GRM3: variants seen among roughly 807,000 people sequenced by gnomAD.
GRM3 encodes the protein glutamate metabotropic receptor 3, also known as metabotropic glutamate receptor 3.
A neutral mutation model predicts 70.5 loss-of-function variants in GRM3; 26 were observed. That is an observed-to-expected ratio of 0.37 (90% CI 0.27 to 0.51). The LOEUF is 0.51. Among genes scored for constraint, GRM3 ranks in the 20% least tolerant of loss-of-function variants. The pLI is 0.93. For missense variants in GRM3, 859 were observed against 1,123.8 expected (o/e 0.76, Z 3.37); for synonymous variants, 443 against 434.9 (o/e 1.02, Z -0.23).
intron 3 of GRM3, among the ~76,000 whole-genome samples, chr7:86,825,665 G>A (rs1454283396): frequency 6.6e-6 from 1 of 152,146 alleles, no homozygotes; most frequent in Admixed American, 6.5e-5. Flanking sequence ...TAGCTGCTGT[G>A]CTTGTCTTCG....
intron 3 of GRM3, among the ~76,000 whole-genome samples, chr7:86,798,889 C>A (rs570226253): frequency 6.6e-6 from 1 of 152,148 alleles, no homozygotes; most frequent in African/African-American, 2.4e-5. Context: ...TTGCCTGACA[C>A]CACGTTTATG....
chr7:86,689,073 T>C (rs1435049628), intron 1 of GRM3, among the ~76,000 whole-genome samples: 1 of 150,854 alleles, frequency 6.6e-6, no homozygotes, highest in Non-Finnish European at 1.5e-5. Flanking sequence ...TGACAGATAT[T>C]GTAAGACTAG....
intron 1 of GRM3, among the ~76,000 whole-genome samples, chr7:86,652,676 C>A (rs1422943139): frequency 6.6e-6 from 1 of 152,164 alleles, no homozygotes; most frequent in Non-Finnish European, 1.5e-5. Context: ...AATGCTGGAA[C>A]ATTTGAAGTA....
chr7:86,862,198 A>C (rs1798973773), intron 5 of GRM3, among the ~76,000 whole-genome samples: 1 of 152,126 alleles, frequency 6.6e-6, no homozygotes, highest in South Asian at 2.1e-4. Context: ...GTACACACAA[A>C]GATGTCAAGT....
At chr7:86,685,249 C>T (rs1448498630) in intron 1 of GRM3, among the ~76,000 whole-genome samples, 1 of 152,086 alleles carries the variant, frequency 6.6e-6, no homozygotes, top group Non-Finnish European at 1.5e-5. Context: ...TACATTGTTC[C>T]CTTAAAGGTA....
chr7:86,712,025 G>A (rs1435852705), intron 1 of GRM3, among the ~76,000 whole-genome samples: 1 of 152,008 alleles, frequency 6.6e-6, no homozygotes, highest in East Asian at 1.9e-4. Flanking sequence ...TTCTACTTTT[G>A]TATGCTCTTT....
intron 1 of GRM3, among the ~76,000 whole-genome samples, chr7:86,750,977 G>T (rs1012422934): frequency 2.6e-5 from 4 of 152,010 alleles, no homozygotes; most frequent in African/African-American, 9.7e-5. Context: ...GAAATATAGG[G>T]CATAAGGAAA....
intron 1 of GRM3, among the ~76,000 whole-genome samples, chr7:86,747,100 C>T (rs1289022710): frequency 2.0e-5 from 3 of 152,048 alleles, no homozygotes; most frequent in Non-Finnish European, 2.9e-5. Flanking sequence ...AGTTCCCTTC[C>T]ATATGTAAGT....
At chr7:86,801,603 G>T (rs1797684878) in intron 3 of GRM3, among the ~76,000 whole-genome samples, 1 of 152,118 alleles carries the variant, frequency 6.6e-6, no homozygotes, top group South Asian at 2.1e-4. Context: ...CAACAGATGA[G>T]ATTAAAAGAG....
chr7:86,655,470 G>A (rs1793711898), intron 1 of GRM3, among the ~76,000 whole-genome samples: 1 of 151,914 alleles, frequency 6.6e-6, no homozygotes, highest in Non-Finnish European at 1.5e-5. Flanking sequence ...CCCTTTAAAA[G>A]GTATTCAGTA....
intron 2 of GRM3, among the ~76,000 whole-genome samples, chr7:86,777,991 T>C (rs1796938235): frequency 6.6e-6 from 1 of 152,198 alleles, no homozygotes; most frequent in Non-Finnish European, 1.5e-5. Flanking sequence ...AATGGTTCTC[T>C]TCCAGGCACA....
chr7:86,762,791 G>A (rs954363134), intron 1 of GRM3, among the ~76,000 whole-genome samples: 1 of 152,036 alleles, frequency 6.6e-6, no homozygotes, highest in African/African-American at 2.4e-5. Context: ...GGTATAGAAG[G>A]ACATTCTTGG....
At chr7:86,796,451 T>C (rs2116601158) in intron 3 of GRM3, among the ~76,000 whole-genome samples, 1 of 152,308 alleles carries the variant, frequency 6.6e-6, no homozygotes, top group East Asian at 1.9e-4. Context: ...TACTATGCTG[T>C]TTGGGTTACA....
intron 1 of GRM3, among the ~76,000 whole-genome samples, chr7:86,681,383 A>G (rs1446398486): frequency 6.6e-6 from 1 of 152,192 alleles, no homozygotes; most frequent in Non-Finnish European, 1.5e-5. Context: ...ATTAAAAGAT[A>G]CTATATCTCA....
At chr7:86,698,926 T>A (rs1454474198) in intron 1 of GRM3, among the ~76,000 whole-genome samples, 1 of 152,068 alleles carries the variant, frequency 6.6e-6, no homozygotes, top group African/African-American at 2.4e-5. Context: ...TATGTATTGT[T>A]ACTAGGAAGC....
At chr7:86,690,007 T>G (rs953458477) in intron 1 of GRM3, among the ~76,000 whole-genome samples, 1 of 152,054 alleles carries the variant, frequency 6.6e-6, no homozygotes, top group African/African-American at 2.4e-5. Flanking sequence ...AGGCTGGAAA[T>G]AAAATGATGA....
At chr7:86,647,941 A>C (rs578202369) in intron 1 of GRM3, among the ~76,000 whole-genome samples, 2 of 152,314 alleles carry the variant, frequency 1.3e-5, no homozygotes, top group Non-Finnish European at 2.9e-5. Flanking sequence ...CCCTATTAAG[A>C]ACTTTGTTGT....
chr7:86,769,978 A>G (rs547188503), intron 2 of GRM3, among the ~76,000 whole-genome samples: 4 of 152,160 alleles, frequency 2.6e-5, no homozygotes, highest in Non-Finnish European at 5.9e-5. Flanking sequence ...GGAAAACAGT[A>G]TTTATATTTA....
chr7:86,700,116 CA>C (rs201134857), intron 1 of GRM3, among the ~76,000 whole-genome samples: 2,044 of 151,996 alleles, frequency 0.013, 38 homozygotes, highest in African/African-American at 0.047. Flanking sequence ...TGCCATTAAC[CA>C]AGCTCATGAA....
Sources: allele counts gnomAD v4.1 joint callset (sites outside exome capture counted in the v4.1 genomes callset), GRCh38; gene constraint gnomAD v4.1.1; transcripts MANE v1.5; gene names NCBI Gene and HGNC (gene_info 2026-07-23, HGNC 2026-07-21).